The following UNG variants were observed in gnomAD, a reference collection of about 807,000 sequenced individuals.
UNG encodes the protein uracil DNA glycosylase.
In UNG, 34 loss-of-function variants were observed where a neutral mutation model predicts 36.5. That is an observed-to-expected ratio of 0.93 (90% CI 0.71 to 1.24). UNG has a LOEUF of 1.24. Among genes scored for constraint, UNG ranks in the 50% most tolerant of loss-of-function variants. The pLI is 0.00. For missense variants in UNG, 391 were observed against 397.6 expected, an observed-to-expected ratio of 0.98 and a Z score of 0.14; for synonymous variants, 172 against 157.8, an observed-to-expected ratio of 1.09 and a Z score of -0.67.
chr12:109,109,973 T>C lies in UNG; in HGVS notation c.*4T>C. ...CATTGACTGGAAGGAGCTGTGATCA[T>C]CAGCTGAGGGGTGGCCTTTGAGAAG... is the stretch of plus-strand genomic sequence containing the variant. On this transcript the variant is annotated 3_prime_UTR_variant, in exon 7 of 7. Coordinates refer to ENST00000242576, the MANE Select transcript of UNG (RefSeq NM_080911.3). The C allele has an allele frequency of 6.2e-7, 1 of 1,614,086 alleles. No individual in the cohort carries two copies. Among genetic ancestry groups the C allele is most frequent in the Non-Finnish European group, 8.5e-7 (1 of 1,180,008 alleles).
chr12:109,105,088 AT>A (rs1170018783), intron 6 of UNG: 1 of 151,960 alleles, frequency 6.6e-6, no homozygotes, highest in African/African-American at 2.4e-5. Flanking sequence ...AATATTTTTT[AT>A]TTTTAGTAGA....
At chr12:109,098,739 G>T in intron 2 of UNG, 101 bp downstream of exon 2, 1 of 1,507,358 alleles carries the variant, frequency 6.6e-7, no homozygotes, top group Non-Finnish European at 9.1e-7. Flanking sequence ...CGTAGGCTTA[G>T]GTTGTACCCC....
At chr12:109,098,016 G>C in intron 1 of UNG, 1 of 1,289,574 alleles carries the variant, frequency 7.8e-7, no homozygotes, top group Non-Finnish European at 1.0e-6. Context: ...CGCGTCTCGG[G>C]GCCCATGGCG....
intron 6 of UNG, among the ~76,000 whole-genome samples, chr12:109,105,556 A>T (rs774446708): frequency 1.3e-5 from 2 of 152,178 alleles, no homozygotes; most frequent in African/African-American, 4.8e-5. Flanking sequence ...CCCCATGAAC[A>T]TGCCAAATTC....
chr12:109,097,604 G>A lies in UNG; in HGVS notation c.-76G>A. 1.3e-6 allele frequency: 2 copies of A among 1,560,116 alleles called. No homozygotes were observed. Among genetic ancestry groups the A allele is most frequent in the Non-Finnish European group, 8.7e-7 (1 of 1,151,930 alleles). On this transcript the variant is annotated 5_prime_UTR_variant, in exon 1 of 7. Transcript: ENST00000242576. Reference sequence around the variant, plus strand: ...CGCGGGCCGCTTGGCGCCAATTGCTGACCGCCACAGCCACAGCCAGGGCTA... The same window carrying A: ...CGCGGGCCGCTTGGCGCCAATTGCTAACCGCCACAGCCACAGCCAGGGCTA...
intron 6 of UNG, among the ~76,000 whole-genome samples, chr12:109,109,559 C>T (rs1346137050): frequency 3.3e-5 from 5 of 151,424 alleles, no homozygotes; most frequent in South Asian, 2.1e-4. Flanking sequence ...CCAAGGCGAG[C>T]GGATCACGAG....
chr12:109,101,602 C>G (rs2042177350), intron 3 of UNG, among the ~76,000 whole-genome samples: 1 of 152,026 alleles, frequency 6.6e-6, no homozygotes, highest in Non-Finnish European at 1.5e-5. Flanking sequence ...CCCAGCTACT[C>G]TGGAGGCTCA....
At chr12:109,102,034 A>G (rs2042182369) in intron 4 of UNG, 35 bp downstream of exon 4, 1 of 1,580,110 alleles carries the variant, frequency 6.3e-7, no homozygotes, top group Non-Finnish European at 8.7e-7. Flanking sequence ...CAGTCCAGAC[A>G]TGATTCCTTT....
At chr12:109,103,198 C>T (rs1158695511) in intron 5 of UNG, among the ~76,000 whole-genome samples, 1 of 152,008 alleles carries the variant, frequency 6.6e-6, no homozygotes, top group Non-Finnish European at 1.5e-5. Flanking sequence ...TCAGGTGATC[C>T]GCCCGACTCG....
intron 4 of UNG, among the ~76,000 whole-genome samples, chr12:109,102,551 C>T (rs2042186251): frequency 6.6e-6 from 1 of 151,882 alleles, no homozygotes. Context: ...AGAAAACTGT[C>T]CCTGAGCAAC....
In UNG at chr12:109,098,417, G is replaced by C; in HGVS notation, c.133-15G>C. ...GCTGCAGCTCTTGAGCCGCCTCTGCGGGGACCACTTGCAGGCCATCCCAGC... is the reference window on the plus strand; with the variant it reads ...GCTGCAGCTCTTGAGCCGCCTCTGCCGGGACCACTTGCAGGCCATCCCAGC... On this transcript the variant is annotated splice_polypyrimidine_tract_variant and intron_variant, in intron 1 of 6. Transcript: ENST00000242576. 2 of 1,605,356 alleles carry C rather than the reference G, an allele frequency of 1.2e-6. No individual in the cohort carries two copies. Among genetic ancestry groups the C allele is most frequent in the Non-Finnish European group, 1.7e-6 (2 of 1,175,912 alleles).
Position 109,109,996 on chromosome 12 carries a change from A to C in UNG, c.*27A>C. On this transcript the variant is annotated 3_prime_UTR_variant, in exon 7 of 7. Transcript: ENST00000242576. ...CATCAGCTGAGGGGTGGCCTTTGAG[A>C]AGCTGCTGTTAACGTATTTGCCAGT... 1 of 1,613,998 alleles carries C rather than the reference A, an allele frequency of 6.2e-7. No homozygotes were observed. The highest frequency in any genetic ancestry group is 8.5e-7 in the Non-Finnish European group (1 of 1,179,962).
At chr12:109,105,318 A>G (rs1345186476) in intron 6 of UNG, 1 of 152,260 alleles carries the variant, frequency 6.6e-6, no homozygotes, top group Non-Finnish European at 1.5e-5. Context: ...ATGAACTGCT[A>G]AGATGTGATC....
At position 109,103,498 on chromosome 12, in the gene UNG, G is replaced by T. The variant is rs747509077; in HGVS notation, c.688G>T (p.Gly230Cys). The change falls in exon 6 of 7, where the codon GGC (glycine) becomes TGC (cysteine). Residue 230 changes from glycine to cysteine, a missense_variant. Physicochemically the swap from Gly to Cys is radical, Grantham distance 159. Coordinates refer to ENST00000242576, the MANE Select transcript of UNG (RefSeq NM_080911.3). ...AHQANSHKER[G>C]WEQFTDAVVS... is the part of the protein sequence containing the mutation. The stretch of plus-strand genomic sequence containing the variant: ...TCAAGCCAACTCTCATAAGGAGCGA[G>T]GCTGGGAGCAGTTCACTGATGCAGT... The T allele has an allele frequency of 1.2e-6, 2 of 1,614,220 alleles. No homozygotes were observed. Among genetic ancestry groups the T allele is most frequent in the African/African-American group, 1.3e-5 (1 of 75,054 alleles).
At chr12:109,104,698 T>G (rs1047610937) in intron 6 of UNG, among the ~76,000 whole-genome samples, 1 of 150,964 alleles carries the variant, frequency 6.6e-6, no homozygotes, top group Non-Finnish European at 1.5e-5. Context: ...GAGGGAGAGA[T>G]AGGGGGTGGG....
rs2042259708 is a variant in UNG at position 109,110,906 on chromosome 12, T to G, written c.*937T>G. ...TTTATTGGGTCTGCACCTCCATCCT[T>G]GATCTTGTTAGCAATGCTGTTTTTG... On this transcript the variant is annotated 3_prime_UTR_variant, in exon 7 of 7. Coordinates refer to ENST00000242576, the MANE Select transcript of UNG (RefSeq NM_080911.3). 1 of 152,146 alleles carries G rather than the reference T, an allele frequency of 6.6e-6. No homozygotes were observed. Among genetic ancestry groups the G allele is most frequent in the Admixed American group, 6.5e-5 (1 of 15,268 alleles). The allele number at this position is 152,146 out of a possible 1,614,324, so 9.4% of individuals were successfully genotyped here.
chr12:109,102,037 A>T, intron 4 of UNG, 38 bp downstream of exon 4: 1 of 1,573,694 alleles, frequency 6.4e-7, no homozygotes, highest in Non-Finnish European at 8.7e-7. Flanking sequence ...TCCAGACATG[A>T]TTCCTTTCAG....
intron 5 of UNG, 63 bp from the exon 6 acceptor site, chr12:109,103,370 G>C (rs144048893): frequency 6.6e-5 from 98 of 1,491,732 alleles, no homozygotes; most frequent in Non-Finnish European, 1.7e-5. Context: ...TTTAGCTCCT[G>C]TTGCTGGGTA....
chr12:109,104,427 T>G (rs2042202041), intron 6 of UNG, among the ~76,000 whole-genome samples: 2 of 151,802 alleles, frequency 1.3e-5, no homozygotes, highest in Non-Finnish European at 2.9e-5. Flanking sequence ...TCCCTACATC[T>G]TCCCCCTATC....
Sources: gnomAD v4.1 joint callset for allele counts (sites outside exome capture counted in the v4.1 genomes callset) on GRCh38, gnomAD v4.1.1 for gene constraint, MANE v1.5 for transcripts, NCBI Gene and HGNC (gene_info 2026-07-23, HGNC 2026-07-21) for gene names.